The following TMEM178B variants were observed in gnomAD, a reference collection of about 807,000 sequenced individuals.
The protein encoded by TMEM178B is transmembrane protein 178B.
Under a neutral mutation model 31.0 loss-of-function variants are expected in TMEM178B, and 5 were observed. That is an observed-to-expected ratio of 0.16 (90% CI 0.08 to 0.34). The LOEUF (loss-of-function observed/expected upper bound fraction) is 0.34, where lower values mean the gene tolerates loss of function less well. Ranked by LOEUF, TMEM178B falls within the 10% of genes least tolerant of loss-of-function variation. The pLI is 1.00. For missense variants in TMEM178B, 275 were observed against 400.3 expected, an observed-to-expected ratio of 0.69 and a Z score of 2.67; for synonymous variants, 164 against 164.0, an observed-to-expected ratio of 1.00 and a Z score of 0.00.
At chr7:141,288,498 T>C (rs992981396) in intron 2 of TMEM178B, among the ~76,000 whole-genome samples, 1 of 151,338 alleles carries the variant, frequency 6.6e-6, no homozygotes, top group Non-Finnish European at 1.5e-5. Flanking sequence ...AAAAAAAAGA[T>C]TTAAAATAAG....
chr7:141,502,839 A>G, the TMEM178B span, among the ~76,000 whole-genome samples: 1 of 152,192 alleles, frequency 6.6e-6, no homozygotes, highest in African/African-American at 2.4e-5. Flanking sequence ...AATAATCACT[A>G]TCATTTATTG....
At chr7:141,104,032 T>C (rs1007949209) in intron 1 of TMEM178B, among the ~76,000 whole-genome samples, 1 of 152,230 alleles carries the variant, frequency 6.6e-6, no homozygotes, top group African/African-American at 2.4e-5. Context: ...ACCTACCCCC[T>C]GCCATGCACA....
At chr7:141,161,429 G>A (rs1483828957) in intron 1 of TMEM178B, among the ~76,000 whole-genome samples, 2 of 152,230 alleles carry the variant, frequency 1.3e-5, no homozygotes, top group African/African-American at 4.8e-5. Context: ...AGGAGGCCTA[G>A]ACGGTGACCC....
intron 2 of TMEM178B, among the ~76,000 whole-genome samples, chr7:141,413,932 G>A (rs1238146793): frequency 1.3e-5 from 2 of 151,916 alleles, no homozygotes; most frequent in South Asian, 2.1e-4. Context: ...TTAACCTTTG[G>A]TATATTTCCT....
In TMEM178B at chr7:141,312,818, A is replaced by T. The variant is rs532330210; in HGVS notation, c.496+100114A>T. On this transcript the variant is annotated intron_variant, in intron 2 of 3. Coordinates refer to ENST00000565468, the MANE Select transcript of TMEM178B (RefSeq NM_001195278.2). ...CAGGTGGAAGCCTTTCAAAGAGTAA[A>T]TTCTCAAACATCTCATTTGAGCAGA... Among the ~76,000 whole-genome samples, 4 of 152,342 alleles carry T rather than the reference A, an allele frequency of 2.6e-5. No individual in the cohort carries two copies. In the South Asian group the frequency reaches 8.3e-4, roughly 32 times the overall value.
In TMEM178B at chr7:141,424,678, C is replaced by T. The variant is rs139116303; in HGVS notation, c.497-12930C>T. 2.7e-3 allele frequency among the ~76,000 whole-genome samples: 408 copies of T among 152,284 alleles called. 3 individuals carry two copies. Among genetic ancestry groups the T allele is most frequent in the East Asian group, 0.02 (104 of 5,188 alleles). Reference sequence around the variant, plus strand: ...CCAAAATATCACAACCCAAAAAAGCCTCCCTGTTAACATTTGGTGTACTTT... The same window carrying T: ...CCAAAATATCACAACCCAAAAAAGCTTCCCTGTTAACATTTGGTGTACTTT... On this transcript the variant is annotated intron_variant, in intron 2 of 3. Coordinates refer to ENST00000565468, the MANE Select transcript of TMEM178B (RefSeq NM_001195278.2).
rs1239829643 is a variant in TMEM178B, at chr7:141,318,122, G to A, written c.496+105418G>A. 6.6e-6 allele frequency among the ~76,000 whole-genome samples: 1 copy of A among 152,166 alleles called. No individual in the cohort carries two copies. Among genetic ancestry groups the A allele is most frequent in the Non-Finnish European group, 1.5e-5 (1 of 68,028 alleles). Reference sequence around the variant, plus strand: ...AATGACTGCAGTATAATCACAGCCTGGGGTATTATTGGATGACCATCCATC... The same window carrying A: ...AATGACTGCAGTATAATCACAGCCTAGGGTATTATTGGATGACCATCCATC... On this transcript the variant is annotated intron_variant, in intron 2 of 3. Transcript: ENST00000565468. This position sits in a 1 kb window ranked among gnomAD's most constrained non-coding sequence, Gnocchi z 4.1.
Position 141,461,005 on chromosome 7 carries a change from C to G in TMEM178B, c.635-9531C>G, listed in dbSNP as rs1460352093. On this transcript the variant is annotated intron_variant, in intron 3 of 3. Coordinates refer to ENST00000565468, the MANE Select transcript of TMEM178B (RefSeq NM_001195278.2). This position sits in a 1 kb window ranked among gnomAD's most constrained non-coding sequence, Gnocchi z 4.0. ...AATTTATATTCCGTGCAGGTCTGAA[C>G]AAAGCTGTAAAATGCTCTCGAGAGC... 6.6e-6 allele frequency among the ~76,000 whole-genome samples: 1 copy of G among 152,180 alleles called. No homozygotes were observed. Among genetic ancestry groups the G allele is most frequent in the African/African-American group, 2.4e-5 (1 of 41,452 alleles).
intron 1 of TMEM178B, among the ~76,000 whole-genome samples, chr7:141,122,144 T>C (rs1051391237): frequency 3.3e-5 from 5 of 152,138 alleles, no homozygotes; most frequent in East Asian, 1.9e-4. Flanking sequence ...TGGAACATAA[T>C]ATATTCAAGG....
At chr7:141,370,263 G>A (rs1800091516) in intron 2 of TMEM178B, among the ~76,000 whole-genome samples, 1 of 152,170 alleles carries the variant, frequency 6.6e-6, no homozygotes, top group South Asian at 2.1e-4. Context: ...CCAGGAGAAG[G>A]CAGTGAGGAT....
chr7:141,467,469 T>C (rs894418613), intron 3 of TMEM178B, among the ~76,000 whole-genome samples: 5 of 152,290 alleles, frequency 3.3e-5, no homozygotes, highest in Middle Eastern at 3.4e-3. Flanking sequence ...CAAATAATCA[T>C]TGAGTAAACA....
intron 1 of TMEM178B, among the ~76,000 whole-genome samples, chr7:141,081,277 A>G (rs1794679629): frequency 6.6e-6 from 1 of 152,156 alleles, no homozygotes; most frequent in African/African-American, 2.4e-5. Context: ...AGTTTTTAAC[A>G]AAAACGTTTC....
chr7:141,079,369 A>C (rs1035413724), intron 1 of TMEM178B, among the ~76,000 whole-genome samples: 1 of 152,190 alleles, frequency 6.6e-6, no homozygotes, highest in Non-Finnish European at 1.5e-5. Context: ...CCTACTGGCT[A>C]TTGTATGGGA....
intron 1 of TMEM178B, among the ~76,000 whole-genome samples, chr7:141,151,922 T>G (rs1458838185): frequency 6.6e-6 from 1 of 152,148 alleles, no homozygotes; most frequent in Non-Finnish European, 1.5e-5. Context: ...GCAGCCAGGA[T>G]TCACGGGTGC....
At chr7:141,112,708 A>G (rs901016776) in intron 1 of TMEM178B, among the ~76,000 whole-genome samples, 4 of 152,172 alleles carry the variant, frequency 2.6e-5, no homozygotes, top group Admixed American at 6.5e-5. Context: ...GAAATCTAAG[A>G]GGGTAAGTAT....
At chr7:141,101,392 C>T (rs185548694) in intron 1 of TMEM178B, among the ~76,000 whole-genome samples, 1 of 152,266 alleles carries the variant, frequency 6.6e-6, no homozygotes, top group East Asian at 1.9e-4. Context: ...ATGTGGTAAA[C>T]ATTGATTTCT....
rs966709476 is a variant in TMEM178B at position 141,473,052 on chromosome 7, T to C, written c.*2266T>C. The C allele has an allele frequency of 6.6e-6, 1 of 152,194 alleles. No homozygotes were observed. The highest frequency in any genetic ancestry group is 1.5e-5 in the Non-Finnish European group (1 of 68,042). 9.4% of individuals were successfully genotyped at this position (152,194 alleles called of 1,614,324 possible). A position where few individuals can be genotyped will look rare whatever the true frequency, so the allele number is the denominator to read the frequency against. On this transcript the variant is annotated 3_prime_UTR_variant, in exon 4 of 4. Coordinates refer to ENST00000565468, the MANE Select transcript of TMEM178B (RefSeq NM_001195278.2). ...AGGGTAAGGTGTGCAACGGGAAAAG[T>C]TGTTAGCTTCCAGTTGGGGTTCTAA...
chr7:141,350,755 C>T (rs1407801746), intron 2 of TMEM178B, among the ~76,000 whole-genome samples: 4 of 152,076 alleles, frequency 2.6e-5, no homozygotes, highest in Non-Finnish European at 5.9e-5. Context: ...ATACCTTTAA[C>T]GTGTATTTTT....
chr7:141,497,726 T>G, the TMEM178B span, among the ~76,000 whole-genome samples: 10 of 152,224 alleles, frequency 6.6e-5, no homozygotes, highest in African/African-American at 2.4e-4. Flanking sequence ...GTCTCTAAAT[T>G]TACCACTTTC....
Sources: allele counts gnomAD v4.1 joint callset (sites outside exome capture counted in the v4.1 genomes callset), GRCh38; gene constraint gnomAD v4.1.1; non-coding constraint Gnocchi (gnomAD v3.1); transcripts MANE v1.5; gene names NCBI Gene and HGNC (gene_info 2026-07-23, HGNC 2026-07-21).